The following ANKRD45 variants were observed in gnomAD, a reference collection of about 807,000 sequenced individuals.
The protein encoded by ANKRD45 is ankyrin repeat domain-containing protein 45.
A neutral mutation model predicts 28.1 loss-of-function variants in ANKRD45; 21 were observed. That is an observed-to-expected ratio of 0.75 (90% CI 0.53 to 1.08). The LOEUF (loss-of-function observed/expected upper bound fraction) is 1.08. Ranked by LOEUF, ANKRD45 falls within the 50% of genes least tolerant of loss-of-function variation. ANKRD45 has a pLI of 0.00. For missense variants in ANKRD45, 261 were observed against 308.7 expected (o/e 0.85, Z 1.16); for synonymous variants, 86 against 103.9 (o/e 0.83, Z 1.05).
intron 5 of ANKRD45, among the ~76,000 whole-genome samples, chr1:173,610,465 C>A (rs1667096795): frequency 6.6e-6 from 1 of 152,210 alleles, no homozygotes; most frequent in South Asian, 2.1e-4. Flanking sequence ...ATGAGAGTAA[C>A]TTTGAATAAA....
chr1:173,628,535 A>G (rs182383249), intron 3 of ANKRD45, among the ~76,000 whole-genome samples: 1 of 151,672 alleles, frequency 6.6e-6, no homozygotes, highest in East Asian at 2.0e-4. Flanking sequence ...CCACAGGGAG[A>G]GACTACTCTG....
intron 3 of ANKRD45, among the ~76,000 whole-genome samples, chr1:173,642,438 TA>T (rs1048738919): frequency 3.9e-5 from 6 of 152,082 alleles, no homozygotes; most frequent in Non-Finnish European, 1.5e-5. Flanking sequence ...AATTATAAAA[TA>T]AAAGAGGGGG....
intron 3 of ANKRD45, among the ~76,000 whole-genome samples, chr1:173,634,649 A>G (rs1668341061): frequency 6.6e-6 from 1 of 152,008 alleles, no homozygotes; most frequent in Non-Finnish European, 1.5e-5. Context: ...TTATGTGATT[A>G]TAATTTTATT....
the ANKRD45 span, among the ~76,000 whole-genome samples, chr1:173,677,853 G>C: frequency 6.6e-6 from 1 of 152,042 alleles, no homozygotes; most frequent in South Asian, 2.1e-4. Flanking sequence ...ATTTCAATAA[G>C]ACGTAAAATC....
intron 1 of ANKRD45, among the ~76,000 whole-genome samples, chr1:173,662,766 A>G (rs1669834080): frequency 2.0e-5 from 3 of 152,186 alleles, no homozygotes; most frequent in Admixed American, 1.3e-4. Context: ...ACTTCCAGTT[A>G]TATCTCAAAG....
At position 173,624,800 on chromosome 1, in the gene ANKRD45, T is replaced by G. The variant is rs1310343983; in HGVS notation, c.717A>C (p.Lys239Asn). Residue 239 changes from lysine to asparagine, a missense_variant, in exon 5 of 6, where the codon AAA (lysine) becomes AAC (asparagine). By Grantham distance (94) the Lys-to-Asn change is moderately conservative. Transcript: ENST00000333279. Reference sequence around the variant, plus strand: ...TCCAAAACTTACATGGTGTAGTCATTTTTGTGAAGATAGGAGTCACAATAT... The same window carrying G: ...TCCAAAACTTACATGGTGTAGTCATGTTTGTGAAGATAGGAGTCACAATAT... ...LEDIVTPIFTKMTTPCQVKSA... is the reference protein window; with the variant it reads ...LEDIVTPIFTNMTTPCQVKSA... 3 of 1,613,304 alleles carry G rather than the reference T, an allele frequency of 1.9e-6. No homozygotes were observed. Among genetic ancestry groups the G allele is most frequent in the African/African-American group, 1.3e-5 (1 of 74,892 alleles).
At chr1:173,664,845 T>G (rs563788033) in intron 1 of ANKRD45, among the ~76,000 whole-genome samples, 2 of 152,308 alleles carry the variant, frequency 1.3e-5, no homozygotes, top group African/African-American at 4.8e-5. Context: ...AAGCTTGCAA[T>G]TCCCAGTGCT....
upstream of ANKRD45, among the ~76,000 whole-genome samples, chr1:173,670,288 CTA>C (rs1670211014): frequency 6.6e-6 from 1 of 152,162 alleles, no homozygotes; most frequent in Non-Finnish European, 1.5e-5. Context: ...AACTTGGAGA[CTA>C]TATCCCTCTT....
chr1:173,642,644 TG>T (rs1277127526), intron 3 of ANKRD45, among the ~76,000 whole-genome samples: 1 of 152,264 alleles, frequency 6.6e-6, no homozygotes, highest in African/African-American at 2.4e-5. Context: ...GATATTTGCC[TG>T]GGCATGCCTG....
At chr1:173,689,749 T>C in the ANKRD45 span, among the ~76,000 whole-genome samples, 1 of 152,218 alleles carries the variant, frequency 6.6e-6, no homozygotes, top group East Asian at 1.9e-4. Context: ...TCCCTTACAT[T>C]CTGCATATTT....
Position 173,609,691 on chromosome 1 carries a change from A to T in ANKRD45, c.*454T>A, listed in dbSNP as rs988615722. ...TTTAATTTTGGACATAAAAAGTGATAGTTGTACCCAGAGGCTCCTAATCCA... is the reference window on the plus strand; with the variant it reads ...TTTAATTTTGGACATAAAAAGTGATTGTTGTACCCAGAGGCTCCTAATCCA... On this transcript the variant is annotated 3_prime_UTR_variant, in exon 6 of 6. Coordinates refer to ENST00000333279, the MANE Select transcript of ANKRD45 (RefSeq NM_198493.3). 1.9e-5 allele frequency: 3 copies of T among 154,898 alleles called. No individual in the cohort carries two copies. Among genetic ancestry groups the T allele is most frequent in the African/African-American group, 7.2e-5 (3 of 41,490 alleles). 9.6% of individuals were successfully genotyped at this position (154,898 alleles called of 1,614,324 possible).
chr1:173,665,092 T>C (rs1053611835), intron 1 of ANKRD45, among the ~76,000 whole-genome samples: 2 of 152,184 alleles, frequency 1.3e-5, no homozygotes, highest in African/African-American at 4.8e-5. Flanking sequence ...TAGGTCATCA[T>C]CAAACCTCCA....
chr1:173,614,642 C>A (rs1349590196), intron 5 of ANKRD45, among the ~76,000 whole-genome samples: 1 of 152,000 alleles, frequency 6.6e-6, no homozygotes, highest in Non-Finnish European at 1.5e-5. Context: ...TACAGATATG[C>A]ACAAAGCAGA....
chr1:173,711,580 G>A, the ANKRD45 span, among the ~76,000 whole-genome samples: 139 of 152,338 alleles, frequency 9.1e-4, no homozygotes, highest in African/African-American at 3.2e-3. Flanking sequence ...GCCCTAAGCA[G>A]TTCCCAGCTT....
At chr1:173,633,167 AT>A (rs1668269918) in intron 3 of ANKRD45, among the ~76,000 whole-genome samples, 1 of 152,046 alleles carries the variant, frequency 6.6e-6, no homozygotes, top group African/African-American at 2.4e-5. Context: ...CAAAATCAAC[AT>A]GCAAAAATCA....
the ANKRD45 span, among the ~76,000 whole-genome samples, chr1:173,702,397 T>C: frequency 5.9e-5 from 9 of 152,116 alleles, no homozygotes; most frequent in African/African-American, 2.2e-4. Flanking sequence ...TATCATCATA[T>C]AGGGGGTAGC....
chr1:173,647,592 A>T (rs905434684), intron 2 of ANKRD45, among the ~76,000 whole-genome samples: 19 of 152,352 alleles, frequency 1.2e-4, no homozygotes, highest in African/African-American at 4.3e-4. Flanking sequence ...TATGGAAGGC[A>T]TCTTTAAATA....
the ANKRD45 span, among the ~76,000 whole-genome samples, chr1:173,686,471 T>TA: frequency 6.6e-6 from 1 of 152,128 alleles, no homozygotes; most frequent in African/African-American, 2.4e-5. Context: ...CAGCACAAGT[T>TA]AGAGTCATTC....
intron 3 of ANKRD45, among the ~76,000 whole-genome samples, chr1:173,638,182 C>T (rs963811498): frequency 3.3e-5 from 5 of 151,836 alleles, no homozygotes; most frequent in African/African-American, 7.2e-5. Flanking sequence ...AAGGAACCAC[C>T]GAAAGGGAAA....
Sources: gnomAD v4.1 joint callset for allele counts (sites outside exome capture counted in the v4.1 genomes callset) on GRCh38, gnomAD v4.1.1 for gene constraint, MANE v1.5 for transcripts, NCBI Gene and HGNC (gene_info 2026-07-23, HGNC 2026-07-21) for gene names.